Variants in CPNE4 observed in about 807,000 individuals in gnomAD.
CPNE4 encodes the protein copine 4.
A neutral mutation model predicts 67.9 loss-of-function variants in CPNE4; 25 were observed. The observed-to-expected ratio is 0.37, with a 90% CI of 0.27 to 0.51. The LOEUF (loss-of-function observed/expected upper bound fraction) is 0.51, where lower values mean the gene tolerates loss of function less well. Ranked by LOEUF, CPNE4 falls within the 20% of genes least tolerant of loss-of-function variation. The probability of loss-of-function intolerance (pLI) is 0.93; values close to 1 mark genes in which losing one functional copy is unlikely to be tolerated. For missense variants in CPNE4, 464 were observed against 690.8 expected (o/e 0.67, Z 3.68); for synonymous variants, 242 against 244.9 (o/e 0.99, Z 0.11).
intron 2 of CPNE4, among the ~76,000 whole-genome samples, chr3:131,755,488 G>A (rs1032477324): frequency 6.6e-6 from 1 of 152,132 alleles, no homozygotes; most frequent in Non-Finnish European, 1.5e-5. Flanking sequence ...TTTACACCAA[G>A]AAACTAATTG....
chr3:131,736,233 A>G (rs374982408), intron 2 of CPNE4, among the ~76,000 whole-genome samples: 2 of 152,084 alleles, frequency 1.3e-5, no homozygotes, highest in African/African-American at 4.8e-5. Context: ...CTTCTGCCCT[A>G]TTTTCATATA....
intron 7 of CPNE4, among the ~76,000 whole-genome samples, chr3:131,588,189 A>G (rs1257230920): frequency 6.6e-6 from 1 of 152,172 alleles, no homozygotes; most frequent in Non-Finnish European, 1.5e-5. Context: ...CCAGATATTT[A>G]CCACACTGGT....
At chr3:131,610,932 T>C (rs1582888357) in intron 7 of CPNE4, among the ~76,000 whole-genome samples, 1 of 152,188 alleles carries the variant, frequency 6.6e-6, no homozygotes, top group Admixed American at 6.6e-5. Context: ...AGGCTCCTCC[T>C]GGAGAAGCCA....
chr3:131,765,706 A>C (rs1424103520), intron 2 of CPNE4, among the ~76,000 whole-genome samples: 1 of 152,070 alleles, frequency 6.6e-6, no homozygotes, highest in Non-Finnish European at 1.5e-5. Flanking sequence ...AAGGAACAAA[A>C]AATGAATTTG....
chr3:131,955,959 C>G (rs1264319283), intron 1 of CPNE4, among the ~76,000 whole-genome samples: 1 of 152,138 alleles, frequency 6.6e-6, no homozygotes, highest in African/African-American at 2.4e-5. Flanking sequence ...TCCATTATAC[C>G]TAGTAGGACA....
At chr3:131,686,059 C>G in intron 5 of CPNE4, 101 bp from the exon 6 acceptor site, 1 of 683,460 alleles carries the variant, frequency 1.5e-6, no homozygotes, top group Middle Eastern at 2.9e-4. Context: ...TCTTGATTTC[C>G]TATTTTTTAT....
chr3:131,772,655 T>C (rs1330526693), intron 2 of CPNE4, among the ~76,000 whole-genome samples: 1 of 152,106 alleles, frequency 6.6e-6, no homozygotes, highest in Non-Finnish European at 1.5e-5. Context: ...GCTCCGTCAA[T>C]TGGAAAAAAT....
intron 2 of CPNE4, among the ~76,000 whole-genome samples, chr3:131,745,922 TC>T (rs2082477034): frequency 6.6e-6 from 1 of 152,130 alleles, no homozygotes; most frequent in African/African-American, 2.4e-5. Flanking sequence ...CTAAAAAATA[TC>T]TTGCTGGTAT....
intron 9 of CPNE4, among the ~76,000 whole-genome samples, chr3:131,575,884 A>ATC (rs139868693): frequency 0.036 from 5,514 of 152,140 alleles, 291 homozygotes; most frequent in African/African-American, 0.12. Context: ...AACTGCCATC[A>ATC]TGTGTTCTCA....
chr3:131,670,409 A>T (rs1326545754), intron 6 of CPNE4, among the ~76,000 whole-genome samples: 1 of 152,220 alleles, frequency 6.6e-6, no homozygotes, highest in Non-Finnish European at 1.5e-5. Flanking sequence ...CCCTTTTAAA[A>T]CCACTTTACT....
intron 2 of CPNE4, among the ~76,000 whole-genome samples, chr3:131,757,105 G>T (rs911026844): frequency 3.3e-5 from 5 of 152,080 alleles, no homozygotes; most frequent in African/African-American, 7.2e-5. Flanking sequence ...ACAGTAAATT[G>T]GTACCAGTAA....
chr3:131,604,761 C>T (rs1939402019), intron 7 of CPNE4, among the ~76,000 whole-genome samples: 2 of 147,276 alleles, frequency 1.4e-5, no homozygotes, highest in Admixed American at 6.6e-5. Context: ...TTAATAAACT[C>T]CCCTTTATAT....
rs138579753 is a variant in CPNE4, at chr3:131,790,367, C to T, written c.181-66742G>A. Among the ~76,000 whole-genome samples the T allele has an allele frequency of 9.1e-3, 1,381 of 152,236 alleles. 18 individuals are homozygous for T. Among genetic ancestry groups the T allele is most frequent in the African/African-American group, 0.031 (1,280 of 41,556 alleles). ...CTGCTTAGCCAAAGCTCACCTTCCC[C>T]AGGGGTGCTTCTTTGTTCTGCAGGC... On this transcript the variant is annotated intron_variant, in intron 2 of 15. Transcript: ENST00000429747.
chr3:131,811,455 G>A (rs1484880926), intron 2 of CPNE4, among the ~76,000 whole-genome samples: 2 of 152,060 alleles, frequency 1.3e-5, no homozygotes, highest in South Asian at 4.1e-4. Context: ...TTAGAGCATG[G>A]TAAGAGAAAT....
chr3:131,769,231 A>G (rs576661042), intron 2 of CPNE4, among the ~76,000 whole-genome samples: 1 of 152,260 alleles, frequency 6.6e-6, no homozygotes, highest in South Asian at 2.1e-4. Context: ...TCTAAAATCA[A>G]TTTGCTATAC....
chr3:131,897,405 C>G (rs957682772), intron 2 of CPNE4, among the ~76,000 whole-genome samples: 2 of 152,064 alleles, frequency 1.3e-5, no homozygotes, highest in African/African-American at 4.8e-5. Flanking sequence ...TGGTGCATAG[C>G]AAACAGTCTG....
chr3:131,603,914 C>G (rs994327343), intron 7 of CPNE4, among the ~76,000 whole-genome samples: 1 of 152,128 alleles, frequency 6.6e-6, no homozygotes, highest in Admixed American at 6.5e-5. Flanking sequence ...GGCTGTCTTA[C>G]CTGGAGAAAG....
At chr3:131,763,527 T>G (rs1431809863) in intron 2 of CPNE4, among the ~76,000 whole-genome samples, 1 of 152,114 alleles carries the variant, frequency 6.6e-6, no homozygotes, top group Non-Finnish European at 1.5e-5. Flanking sequence ...CTGGCATAGA[T>G]GAAGTCCTAG....
At chr3:131,960,120 TGGAGAGGGAGGGA>T (rs6148070) in intron 1 of CPNE4, among the ~76,000 whole-genome samples, 7 of 147,364 alleles carry the variant, frequency 4.8e-5, no homozygotes, top group Non-Finnish European at 1.0e-4. Flanking sequence ...AGAGAAAGAG[TGGAGAGGGAGGGA>T]GGAGAGGGAG....
Sources: allele counts gnomAD v4.1 joint callset (sites outside exome capture counted in the v4.1 genomes callset), GRCh38; gene constraint gnomAD v4.1.1; transcripts MANE v1.5; gene names NCBI Gene and HGNC (gene_info 2026-07-23, HGNC 2026-07-21).